DSG3: variants seen among roughly 807,000 people sequenced by gnomAD.
The protein encoded by DSG3 is desmoglein 3, also known as desmoglein-3.
A neutral mutation model predicts 85.9 loss-of-function variants in DSG3; 63 were observed. The ratio of observed to expected loss-of-function variants is 0.73; its 90% CI spans 0.60 to 0.90. The LOEUF is 0.90. DSG3 is among the 40% of genes least tolerant of loss of function. The probability of loss-of-function intolerance (pLI) is 0.00; values close to 1 mark genes in which losing one functional copy is unlikely to be tolerated. For missense variants in DSG3, 1,220 were observed against 1,219.9 expected (o/e 1.00, Z 0.00); for synonymous variants, 447 against 441.9 (o/e 1.01, Z -0.14).
intron 11 of DSG3, among the ~76,000 whole-genome samples, chr18:31,467,912 G>A (rs2072831952): frequency 6.6e-6 from 1 of 152,170 alleles, no homozygotes; most frequent in African/African-American, 2.4e-5. Flanking sequence ...TGTGCATGTA[G>A]CATTTTGCTC....
Position 31,459,167 on chromosome 18 carries a change from T to G in DSG3, c.507T>G (p.Asn169Lys). ...TTTTCATGGGTGAAATTGAAGAAAA[T>G]AGTGCCTCAAGTAAGTCTTTTACAG... The part of the protein sequence containing the change: ...QQIFMGEIEE[N>K]SASNSLVMIL... Residue 169 changes from asparagine (N) to lysine (K), a missense_variant, in exon 5 of 16, where the codon AAT (asparagine) becomes AAG (lysine). Coordinates refer to ENST00000257189, the MANE Select transcript of DSG3 (RefSeq NM_001944.3). 1 of 1,611,938 alleles carries G rather than the reference T, an allele frequency of 6.2e-7. No homozygotes were observed. Among genetic ancestry groups the G allele is most frequent in the South Asian group, 1.1e-5 (1 of 90,772 alleles).
rs369569611 is a variant in DSG3, at chr18:31,456,467, C to A, written c.76C>A (p.Arg26=). The change falls in exon 2 of 16, where the codon CGA becomes AGA. Residue 26 remains arginine (R), a synonymous_variant. Coordinates refer to ENST00000257189, the MANE Select transcript of DSG3 (RefSeq NM_001944.3). ...VVVILVHGEL[R]IETKGQYDEE... ...GGTCATATTGGTTCATGGAGAATTG[C>A]GAATAGAGGTAAAGTATGAAAAAGG... 2.8e-5 allele frequency: 37 copies of A among 1,337,520 alleles called. No homozygotes were observed. In the African/African-American group the frequency reaches 3.5e-4, roughly 13 times the overall value. 82.9% of individuals were successfully genotyped at this position (1,337,520 alleles called of 1,614,324 possible). A position where few individuals can be genotyped will look rare whatever the true frequency, so the allele number is the denominator to read the frequency against.
In DSG3 at chr18:31,475,082, G is replaced by A. The variant is rs2072878180; in HGVS notation, c.2386-564G>A. 4.6e-5 allele frequency among the ~76,000 whole-genome samples: 7 copies of A among 152,142 alleles called. 1 individual carries two copies. The South Asian group carries it at 1.4e-3, about 31-fold the overall frequency. On this transcript the variant is annotated intron_variant, in intron 15 of 15. Coordinates refer to ENST00000257189, the MANE Select transcript of DSG3 (RefSeq NM_001944.3). ...AAGAATAGGATGGAAGATCAGTGAT[G>A]GGAGGAATGACATGTCAGGAAGCAT...
chr18:31,448,968 G>T (rs536027081), intron 1 of DSG3, among the ~76,000 whole-genome samples: 1 of 152,084 alleles, frequency 6.6e-6, no homozygotes, highest in South Asian at 2.1e-4. Context: ...GCAGTGGTGC[G>T]ATCTCCAACT....
chr18:31,477,827 T>A lies in DSG3; in HGVS notation c.*1567T>A, dbSNP rs558355839. On this transcript the variant is annotated 3_prime_UTR_variant, in exon 16 of 16. Transcript: ENST00000257189. The stretch of plus-strand genomic sequence containing the variant: ...TTGTCTTAGCTGATCACAAGATCAT[T>A]ATCAGCCTCCATTATTCCTTACTGT... 6.6e-6 allele frequency: 1 copy of A among 152,372 alleles called. No individual in the cohort carries two copies. The highest frequency in any genetic ancestry group is 2.1e-4 in the South Asian group (1 of 4,826). The allele number at this position is 152,372 out of a possible 1,614,324, so 9.4% of individuals were successfully genotyped here.
intron 7 of DSG3, 26 bp downstream of exon 7, chr18:31,460,987 C>A (rs1220442191): frequency 1.3e-6 from 2 of 1,557,958 alleles, no homozygotes; most frequent in South Asian, 1.2e-5. Flanking sequence ...CTTAAAGAAT[C>A]ATTTAGATAT....
rs767150721 is a variant in DSG3, at chr18:31,456,509, A to T, written c.84+34A>T. 17 of 1,223,200 alleles carry T rather than the reference A, an allele frequency of 1.4e-5. No individual in the cohort carries two copies. The East Asian group carries it at 4.9e-4, about 35-fold the overall frequency. 75.8% of individuals were successfully genotyped at this position (1,223,200 alleles called of 1,614,324 possible). A position where few individuals can be genotyped will look rare whatever the true frequency, so the allele number is the denominator to read the frequency against. Reference sequence around the variant, plus strand: ...TGAAAAAGGTTTTTGTACTTAAAATAATAGTTTAGTTTAAAAAAAAATTAA... The same window carrying T: ...TGAAAAAGGTTTTTGTACTTAAAATTATAGTTTAGTTTAAAAAAAAATTAA... On this transcript the variant is annotated intron_variant, in intron 2 of 15. Transcript: ENST00000257189.
At chr18:31,466,023 A>G (rs2072816235) in intron 10 of DSG3, among the ~76,000 whole-genome samples, 1 of 152,234 alleles carries the variant, frequency 6.6e-6, no homozygotes, top group Non-Finnish European at 1.5e-5. Context: ...AAGGGTAACA[A>G]CAGAAATGAC....
intron 1 of DSG3, among the ~76,000 whole-genome samples, chr18:31,452,476 G>A (rs1262748601): frequency 1.5e-5 from 2 of 130,076 alleles, no homozygotes; most frequent in East Asian, 2.4e-4. Context: ...CCGAGATGGC[G>A]CTACTGCACT....
chr18:31,457,672 G>T (rs1342587621), intron 3 of DSG3, among the ~76,000 whole-genome samples: 1 of 149,252 alleles, frequency 6.7e-6, no homozygotes, highest in Non-Finnish European at 1.5e-5. Context: ...GTGCCTCCCA[G>T]GCTGGAGTGC....
rs1481671739 is a variant in DSG3, at chr18:31,476,632, C to T, written c.*372C>T. 5.9e-6 allele frequency: 1 copy of T among 170,280 alleles called. No homozygotes were observed. Among genetic ancestry groups the T allele is most frequent in the African/African-American group, 2.4e-5 (1 of 41,888 alleles). The allele number at this position is 170,280 out of a possible 1,614,324, so 10.5% of individuals were successfully genotyped here. Reference sequence around the variant, plus strand: ...AAGCAGGAGCGCTGGTTCTTGTCTCCATTGCCTTTTCTTATATCATTGATA... The same window carrying T: ...AAGCAGGAGCGCTGGTTCTTGTCTCTATTGCCTTTTCTTATATCATTGATA... On this transcript the variant is annotated 3_prime_UTR_variant, in exon 16 of 16. Coordinates refer to ENST00000257189, the MANE Select transcript of DSG3 (RefSeq NM_001944.3).
intron 9 of DSG3, 22 bp from the exon 10 acceptor site, chr18:31,465,295 AT>A (rs1174830146): frequency 1.5e-6 from 2 of 1,370,496 alleles, no homozygotes; most frequent in Non-Finnish European, 1.9e-6. Context: ...AAGAAAACTG[AT>A]TTTTTTAATA....
At chr18:31,474,941 G>A (rs1451817176) in intron 15 of DSG3, among the ~76,000 whole-genome samples, 1 of 152,026 alleles carries the variant, frequency 6.6e-6, no homozygotes, top group Non-Finnish European at 1.5e-5. Context: ...TATCATAAAG[G>A]ATATCCAAAT....
Position 31,476,647 on chromosome 18 carries a change from T to C in DSG3, c.*387T>C, listed in dbSNP as rs149644500. ...TTCTTGTCTCCATTGCCTTTTCTTA[T>C]ATCATTGATAATGATGTAAGAATCA... On this transcript the variant is annotated 3_prime_UTR_variant, in exon 16 of 16. Coordinates refer to ENST00000257189, the MANE Select transcript of DSG3 (RefSeq NM_001944.3). 267 of 163,928 alleles carry C rather than the reference T, an allele frequency of 1.6e-3. 1 individual carries two copies. The highest frequency in any genetic ancestry group is 6.2e-3 in the African/African-American group (260 of 41,802). The allele number at this position is 163,928 out of a possible 1,614,324, so 10.2% of individuals were successfully genotyped here. A position where few individuals can be genotyped will look rare whatever the true frequency, so the allele number is the denominator to read the frequency against.
At chr18:31,464,025 A>G (rs2072801256) in intron 8 of DSG3, 86 bp from the exon 9 acceptor site, 1 of 1,240,320 alleles carries the variant, frequency 8.1e-7, no homozygotes. Flanking sequence ...CATTCACAGC[A>G]TCTTGCATAG....
intron 8 of DSG3, 115 bp from the exon 9 acceptor site, chr18:31,463,996 A>G (rs1255135681): frequency 9.9e-7 from 1 of 1,005,060 alleles, no homozygotes; most frequent in South Asian, 1.7e-5. Flanking sequence ...CTGTTTTGCT[A>G]TTTAAAAACA....
At position 31,460,007 on chromosome 18, in the gene DSG3, G is replaced by T. The variant is rs556515891; in HGVS notation, c.680G>T (p.Arg227Leu). The T allele has an allele frequency of 6.2e-7, 1 of 1,613,166 alleles. No individual in the cohort carries two copies. The highest frequency in any genetic ancestry group is 2.2e-5 in the East Asian group (1 of 44,864). The change falls in exon 6 of 16, where the codon CGA becomes CTA. Residue 227 changes from arginine to leucine, a missense_variant. Coordinates refer to ENST00000257189, the MANE Select transcript of DSG3 (RefSeq NM_001944.3). ...EVRTLTNSLD[R>L]EQASSYRLVV... ...CGTACTTTGACCAATTCTCTTGACC[G>T]AGAGGTACAGCAAAGCACTTGGGGG...
Position 31,447,774 on chromosome 18 carries a change from A to C in DSG3, c.-104A>C. ...CCATCTGTAGACTCCTTCGGAAAGC[A>C]GCAGAGACGCTGCAGAGGGCTTTTC... On this transcript the variant is annotated 5_prime_UTR_variant, in exon 1 of 16. Transcript: ENST00000257189. 1.1e-6 allele frequency: 1 copy of C among 921,428 alleles called. No homozygotes were observed. The highest frequency in any genetic ancestry group is 1.6e-6 in the Non-Finnish European group (1 of 618,720). The allele number at this position is 921,428 out of a possible 1,614,324, so 57.1% of individuals were successfully genotyped here. A position where few individuals can be genotyped will look rare whatever the true frequency, so the allele number is the denominator to read the frequency against.
At position 31,457,054 on chromosome 18, in the gene DSG3, G is replaced by A. The variant is rs764779624; in HGVS notation, c.146G>A (p.Arg49His). The part of the protein sequence containing the change: ...TMQQAKRRQK[R>H]EWVKFAKPCR... ...CAACAAGCTAAAAGAAGGCAAAAAC[G>A]TGAATGGGTGAAATTTGCCAAACCC... The change falls in exon 3 of 16, where the codon CGT becomes CAT. Residue 49 changes from arginine to histidine, a missense_variant. Physicochemically the swap from Arg to His is conservative, Grantham distance 29. Transcript: ENST00000257189. 8 of 1,613,266 alleles carry A rather than the reference G, an allele frequency of 5.0e-6. No homozygotes were observed. Among genetic ancestry groups the A allele is most frequent in the South Asian group, 3.3e-5 (3 of 90,974 alleles).
Sources: allele counts gnomAD v4.1 joint callset (sites outside exome capture counted in the v4.1 genomes callset), GRCh38; gene constraint gnomAD v4.1.1; transcripts MANE v1.5; gene names NCBI Gene and HGNC (gene_info 2026-07-23, HGNC 2026-07-21).